A2M: variants seen among roughly 807,000 people sequenced by gnomAD.
The protein encoded by A2M is C3 and PZP-like alpha-2-macroglobulin domain-containing protein 5.
A neutral mutation model predicts 183.9 loss-of-function variants in A2M; 128 were observed. The ratio of observed to expected loss-of-function variants is 0.70; its 90% CI spans 0.60 to 0.81. The LOEUF (loss-of-function observed/expected upper bound fraction) is 0.81. A2M is among the 30% of genes least tolerant of loss of function. A2M has a pLI of 0.00. For synonymous variants in A2M, 592 were observed against 670.8 expected (o/e 0.88, Z 1.81); for missense variants, 1,495 against 1,787.6 (o/e 0.84, Z 2.95).
intron 9 of A2M, 64 bp from the exon 10 acceptor site, chr12:9,106,409 TC>T: frequency 2.1e-6 from 3 of 1,434,686 alleles, no homozygotes; most frequent in Non-Finnish European, 2.9e-6. Context: ...TTCTATCACC[TC>T]CCCCCAACTT....
At chr12:9,114,049 G>A (rs937444801) in intron 1 of A2M, among the ~76,000 whole-genome samples, 1 of 152,180 alleles carries the variant, frequency 6.6e-6, no homozygotes, top group African/African-American at 2.4e-5. Flanking sequence ...TATGGAATCT[G>A]AGCCTCAAAG....
chr12:9,091,405 T>C lies in A2M; in HGVS notation c.2265A>G (p.Gly755=), dbSNP rs1565590409. 1.9e-6 allele frequency: 3 copies of C among 1,614,154 alleles called. No homozygotes were observed. Among genetic ancestry groups the C allele is most frequent in the Non-Finnish European group, 2.5e-6 (3 of 1,180,032 alleles). ...VVNSAGVAEV[G]VTVPDTITEW... ...CGGTGATGGTGTCAGGGACTGTTACTCCTACCTCAGCCACACCTGCTGAGC... is the reference window on the plus strand; with the variant it reads ...CGGTGATGGTGTCAGGGACTGTTACCCCTACCTCAGCCACACCTGCTGAGC... The change falls in exon 19 of 36, where the codon GGA becomes GGG. Residue 755 remains glycine, a synonymous_variant. Transcript: ENST00000318602.
At chr12:9,076,309 A>G (rs1948746834) in intron 28 of A2M, among the ~76,000 whole-genome samples, 1 of 152,216 alleles carries the variant, frequency 6.6e-6, no homozygotes, top group Non-Finnish European at 1.5e-5. Flanking sequence ...TTCATTTATT[A>G]CAACAGCTCT....
chr12:9,075,323 G>A (rs1333235100), intron 28 of A2M, among the ~76,000 whole-genome samples: 6 of 152,318 alleles, frequency 3.9e-5, no homozygotes, highest in African/African-American at 1.4e-4. Flanking sequence ...CAGCAATGGG[G>A]AAGATGTGCT....
chr12:9,097,629 A>ATTTTTTTT (rs1949421067), intron 15 of A2M, among the ~76,000 whole-genome samples: 1 of 122,752 alleles, frequency 8.1e-6, no homozygotes, highest in African/African-American at 3.2e-5. Flanking sequence ...AACTGATGTA[A>ATTTTTTTT]TTCTTTTTTT....
intron 15 of A2M, 57 bp from the exon 16 acceptor site, chr12:9,095,757 T>A: frequency 7.0e-7 from 1 of 1,436,544 alleles, no homozygotes; most frequent in Non-Finnish European, 9.2e-7. Context: ...TTTTTTTTTT[T>A]TTTTTTTTTT....
At chr12:9,103,672 T>G (rs1460888001) in intron 11 of A2M, among the ~76,000 whole-genome samples, 1 of 152,220 alleles carries the variant, frequency 6.6e-6, no homozygotes, top group Non-Finnish European at 1.5e-5. Flanking sequence ...TATTGGTCTT[T>G]TTGTGACTAG....
At chr12:9,085,611 A>G (rs1346359753) in intron 22 of A2M, among the ~76,000 whole-genome samples, 1 of 152,104 alleles carries the variant, frequency 6.6e-6, no homozygotes, top group Non-Finnish European at 1.5e-5. Context: ...GAAAAGAAGA[A>G]CAAAGTAAGC....
At chr12:9,109,517 T>C in intron 6 of A2M, 112 bp from the exon 7 acceptor site, 1 of 800,280 alleles carries the variant, frequency 1.2e-6, no homozygotes, top group Non-Finnish European at 2.1e-6. Flanking sequence ...TCTGAAAAGG[T>C]AGCTCTGCTC....
At chr12:9,082,314 C>T (rs1319258994) in intron 22 of A2M, among the ~76,000 whole-genome samples, 1 of 152,236 alleles carries the variant, frequency 6.6e-6, no homozygotes, top group African/African-American at 2.4e-5. Context: ...AATCATCCAG[C>T]CAGGCAACAC....
chr12:9,074,649 G>A lies in A2M; in HGVS notation c.3667C>T (p.Pro1223Ser). Residue 1223 changes from proline to serine, a missense_variant, in exon 29 of 36, where the codon CCA becomes TCA. By Grantham distance (74) the Pro-to-Ser change is moderately conservative (BLOSUM62 -1). Transcript: ENST00000318602. Reference protein sequence around the residue: ...LLAYLTAQPAPTSEDLTSATN... With the variant: ...LLAYLTAQPASTSEDLTSATN... ...GCAGAGGTCAGGTCCTCCGAGGTTG[G>A]GGCTGGCTGGGCCGTGAGATAAGCG... 1 of 1,613,950 alleles carries A rather than the reference G, an allele frequency of 6.2e-7. No homozygotes were observed. Among genetic ancestry groups the A allele is most frequent in the East Asian group, 2.2e-5 (1 of 44,864 alleles).
rs758473970 is a variant in A2M, at chr12:9,079,976, G to A, written c.2854+118C>T. ...ATTGAAAGCAATAAACAAGCCCAAA[G>A]AAGAAGAGAAGAAAGAAGTTAAAAT... On this transcript the variant is annotated intron_variant, in intron 23 of 35. Transcript: ENST00000318602. 7.2e-4 allele frequency: 660 copies of A among 921,486 alleles called. 2 individuals carry two copies. Among genetic ancestry groups the A allele is most frequent in the Middle Eastern group, 4.1e-3 (12 of 2,898 alleles). The allele number at this position is 921,486 out of a possible 1,614,324, so 57.1% of individuals were successfully genotyped here.
At chr12:9,108,182 G>A (rs1185834285) in intron 7 of A2M, among the ~76,000 whole-genome samples, 1 of 152,036 alleles carries the variant, frequency 6.6e-6, no homozygotes, top group Non-Finnish European at 1.5e-5. Flanking sequence ...CTGGAGTGCA[G>A]TGGTGCGATC....
rs769888603 is a variant in A2M at position 9,101,266 on chromosome 12, A to T, written c.1495-59T>A. 89 of 1,494,812 alleles carry T rather than the reference A, an allele frequency of 6.0e-5. No individual in the cohort carries two copies. The African/African-American group carries it at 1.1e-3, about 18-fold the overall frequency. 92.6% of individuals were successfully genotyped at this position (1,494,812 alleles called of 1,614,324 possible). ...GCCAGAGAGAACACGCTTCAGTCTC[A>T]CTTCAATATACTTGTTTTATTGAGT... On this transcript the variant is annotated intron_variant, in intron 12 of 35. Coordinates refer to ENST00000318602, the MANE Select transcript of A2M (RefSeq NM_000014.6).
At chr12:9,111,352 AG>A (rs1938713061) in intron 4 of A2M, among the ~76,000 whole-genome samples, 1 of 152,224 alleles carries the variant, frequency 6.6e-6, no homozygotes, top group Admixed American at 6.5e-5. Context: ...AGAAAAACAA[AG>A]CCAAGTTAGG....
intron 17 of A2M, 73 bp from the exon 18 acceptor site, chr12:9,093,652 AC>A: frequency 1.3e-6 from 1 of 771,414 alleles, no homozygotes. Flanking sequence ...AATAGTTGCC[AC>A]CAAAAAAAAA....
At position 9,077,336 on chromosome 12, in the gene A2M, T is replaced by A; in HGVS notation, c.3351+10A>T. ...ACTCTCCTTCAGCAGAGGAATGGGG[T>A]GGTACCTACAGTGACTGTGAGAGGA... is the stretch of plus-strand genomic sequence containing the variant. On this transcript the variant is annotated intron_variant, in intron 27 of 35. Transcript: ENST00000318602. The A allele has an allele frequency of 1.2e-6, 2 of 1,610,130 alleles. No homozygotes were observed. The highest frequency in any genetic ancestry group is 1.7e-6 in the Non-Finnish European group (2 of 1,177,230).
chr12:9,071,744 C>T (rs1056434501), intron 31 of A2M, among the ~76,000 whole-genome samples: 1 of 152,130 alleles, frequency 6.6e-6, no homozygotes, highest in Non-Finnish European at 1.5e-5. Flanking sequence ...ACCTCCATCT[C>T]CATCCATGTT....
chr12:9,070,659 C>T, intron 31 of A2M, 81 bp from the exon 32 acceptor site: 1 of 936,708 alleles, frequency 1.1e-6, no homozygotes, highest in South Asian at 1.6e-5. Flanking sequence ...TTAAGCATTC[C>T]ACAGCTCTAA....
Sources: allele counts gnomAD v4.1 joint callset (sites outside exome capture counted in the v4.1 genomes callset), GRCh38; gene constraint gnomAD v4.1.1; transcripts MANE v1.5; gene names NCBI Gene and HGNC (gene_info 2026-07-23, HGNC 2026-07-21).